Variants in DPYSL2 observed in about 807,000 individuals in gnomAD.
The protein encoded by DPYSL2 is dihydropyrimidinase-related protein 2.
In DPYSL2, 13 loss-of-function variants were observed where a neutral mutation model predicts 69.9. The observed-to-expected ratio is 0.19, with a 90% CI of 0.12 to 0.30. The LOEUF is 0.30. Among genes scored for constraint, DPYSL2 ranks in the 10% least tolerant of loss-of-function variants. DPYSL2 has a pLI of 1.00. For missense variants in DPYSL2, 587 were observed against 918.9 expected (o/e 0.64, Z 4.67); for synonymous variants, 326 against 359.1 (o/e 0.91, Z 1.04).
chr8:26,581,092 T>C (rs1393051592), intron 1 of DPYSL2, among the ~76,000 whole-genome samples: 1 of 152,244 alleles, frequency 6.6e-6, no homozygotes, highest in Non-Finnish European at 1.5e-5. Context: ...CTAGTTAAAA[T>C]GGCATCAATG....
Position 26,517,577 on chromosome 8 carries a change from CA to C in DPYSL2, c.354+2899del, listed in dbSNP as rs1157329819. ...GGCCCAATCCCCCCTTGTCAGTGCC[CA>C]GGGGTCCTTCAGCCTCTTCCCTTCC... On this transcript the variant is annotated intron_variant, in intron 1 of 13. Transcript: ENST00000521913. The surrounding 1 kb of genome is among the most constrained non-coding windows in gnomAD (Gnocchi z 4.2). 1.3e-5 allele frequency among the ~76,000 whole-genome samples: 2 copies of C among 152,176 alleles called. No individual in the cohort carries two copies. Among genetic ancestry groups the C allele is most frequent in the Non-Finnish European group, 2.9e-5 (2 of 68,028 alleles).
intron 3 of DPYSL2, among the ~76,000 whole-genome samples, chr8:26,595,024 AAATCAATC>A (rs4055147): frequency 3.3e-5 from 5 of 150,970 alleles, no homozygotes; most frequent in African/African-American, 4.9e-5. Flanking sequence ...GTCTCTACCA[AAATCAATC>A]AATCAATCAA....
In DPYSL2 at chr8:26,565,778, C is replaced by T. The variant is rs1049435926; in HGVS notation, c.355-16191C>T. 6.6e-5 allele frequency among the ~76,000 whole-genome samples: 10 copies of T among 152,102 alleles called. No individual in the cohort carries two copies. The highest frequency in any genetic ancestry group is 2.2e-4 in the African/African-American group (9 of 41,414). ...TGGGCAGAGAAAGGTACAGGGTCCC[C>T]GCTCCATGCAATTAACTGGAAAGTC... On this transcript the variant is annotated intron_variant, in intron 1 of 13. Coordinates refer to ENST00000521913, the MANE Select transcript of DPYSL2 (RefSeq NM_001197293.3). This position sits in a 1 kb window ranked among gnomAD's most constrained non-coding sequence, Gnocchi z 4.1.
At chr8:26,573,331 T>C (rs1390674281) in intron 1 of DPYSL2, among the ~76,000 whole-genome samples, 2 of 151,774 alleles carry the variant, frequency 1.3e-5, no homozygotes, top group African/African-American at 4.8e-5. Context: ...GAGACCAGCC[T>C]GGCCAATATG....
chr8:26,606,218 A>G (rs1802103914), intron 3 of DPYSL2, among the ~76,000 whole-genome samples: 1 of 152,206 alleles, frequency 6.6e-6, no homozygotes, highest in South Asian at 2.1e-4. Flanking sequence ...TAAAATATTC[A>G]TAGTATTATA....
At position 26,593,908 on chromosome 8, in the gene DPYSL2, GC is replaced by G. The variant is rs1447225831; in HGVS notation, c.628+9927del. The stretch of plus-strand genomic sequence containing the variant: ...GGACTGGAATCTTTCCTTGTGGGGA[GC>G]CTGTGAGACAAAAATCAAAAGGGCC... On this transcript the variant is annotated intron_variant, in intron 3 of 13. Transcript: ENST00000521913. This position sits in a 1 kb window ranked among gnomAD's most constrained non-coding sequence, Gnocchi z 5.7. Among the ~76,000 whole-genome samples the G allele has an allele frequency of 6.6e-6, 1 of 152,144 alleles. No homozygotes were observed. Among genetic ancestry groups the G allele is most frequent in the Non-Finnish European group, 1.5e-5 (1 of 68,020 alleles).
chr8:26,652,199 G>C lies in DPYSL2; in HGVS notation c.1597-58G>C, dbSNP rs555316259. 6.6e-7 allele frequency: 1 copy of C among 1,523,082 alleles called. No homozygotes were observed. The highest frequency in any genetic ancestry group is 1.3e-5 in the South Asian group (1 of 78,608). The allele number at this position is 1,523,082 out of a possible 1,614,324, so 94.3% of individuals were successfully genotyped here. A position where few individuals can be genotyped will look rare whatever the true frequency, so the allele number is the denominator to read the frequency against. On this transcript the variant is annotated intron_variant, in intron 11 of 13. Transcript: ENST00000521913. The surrounding 1 kb of genome is among the most constrained non-coding windows in gnomAD (Gnocchi z 6.3). ...GGGGTTGGGGCAGTGGGTGCTGCCG[G>C]GTGGATTGAGTCCAGCCAGAGTGGC...
In DPYSL2 at chr8:26,583,823, G is replaced by A. The variant is rs778988327; in HGVS notation, c.468G>A (p.Val156=). The change falls in exon 3 of 14, where the codon GTG becomes GTA. Residue 156 remains valine (V), a synonymous_variant. Coordinates refer to ENST00000521913, the MANE Select transcript of DPYSL2 (RefSeq NM_001197293.3). The stretch of plus-strand genomic sequence containing the variant: ...GGCAAATAGGAGAAAATCTGATTGT[G>A]CCAGGAGGAGTGAAGACCATCGAGG... ...LIKQIGENLI[V]PGGVKTIEAH... The A allele has an allele frequency of 2.5e-6, 4 of 1,613,234 alleles. No individual in the cohort carries two copies. Among genetic ancestry groups the A allele is most frequent in the Admixed American group, 1.7e-5 (1 of 59,790 alleles).
rs1801396691 is a variant in DPYSL2 at position 26,577,990 on chromosome 8, TCCTTC to T, written c.355-3978_355-3974del. ...CCCCCTTCCCTCCTGTTTCTCTCTC[TCCTTC>T]TCTCTCTCTCTCTCTCTCTCTCTTT... On this transcript the variant is annotated intron_variant, in intron 1 of 13. Coordinates refer to ENST00000521913, the MANE Select transcript of DPYSL2 (RefSeq NM_001197293.3). 7 of 1,305,648 alleles carry T rather than the reference TCCTTC, an allele frequency of 5.4e-6. No homozygotes were observed. In the East Asian group the frequency reaches 1.0e-4, roughly 19 times the overall value. The allele number at this position is 1,305,648 out of a possible 1,614,324, so 80.9% of individuals were successfully genotyped here.
At chr8:26,567,398 A>G (rs1184544143) in intron 1 of DPYSL2, among the ~76,000 whole-genome samples, 8 of 151,674 alleles carry the variant, frequency 5.3e-5, no homozygotes, top group Non-Finnish European at 8.8e-5. Flanking sequence ...CCATTCATCC[A>G]TCCACCCCAC....
chr8:26,629,844 C>A (rs1317285306), intron 7 of DPYSL2, among the ~76,000 whole-genome samples: 2 of 152,208 alleles, frequency 1.3e-5, no homozygotes, highest in Non-Finnish European at 2.9e-5. Flanking sequence ...ATCCTCCCAC[C>A]TCTTAGCCTC....
intron 11 of DPYSL2, among the ~76,000 whole-genome samples, chr8:26,651,730 A>G (rs1243683745): frequency 6.6e-6 from 1 of 152,256 alleles, no homozygotes; most frequent in Non-Finnish European, 1.5e-5. Flanking sequence ...GAAATTAACT[A>G]GCCCTCAATC....
rs12164220 is a variant in DPYSL2 at position 26,560,457 on chromosome 8, C to T, written c.355-21512C>T. 0.87 allele frequency among the ~76,000 whole-genome samples: 133,101 copies of T among 152,174 alleles called. 58,613 individuals carry two copies. The highest frequency in any genetic ancestry group is 0.99 in the East Asian group (5,114 of 5,170). ...GCAGGTCTGGGAAGGTCTGGACCTCCATTTACTCGATGTTGAAGGCAGACA... is the reference window on the plus strand; with the variant it reads ...GCAGGTCTGGGAAGGTCTGGACCTCTATTTACTCGATGTTGAAGGCAGACA... On this transcript the variant is annotated intron_variant, in intron 1 of 13. Transcript: ENST00000521913. This position sits in a 1 kb window ranked among gnomAD's most constrained non-coding sequence, Gnocchi z 4.4.
intron 1 of DPYSL2, among the ~76,000 whole-genome samples, chr8:26,523,521 T>C (rs1330359504): frequency 6.6e-6 from 1 of 152,236 alleles, no homozygotes; most frequent in African/African-American, 2.4e-5. Context: ...TTTGTGTCTC[T>C]GTGAATTTGA....
In DPYSL2 at chr8:26,517,111, C is replaced by T. The variant is rs1808302745; in HGVS notation, c.354+2432C>T. Reference sequence around the variant, plus strand: ...GGGTGGATCCTGGGACCCTGACTCACACCATCCCTCCTCTCTTGCAGCTTT... The same window carrying T: ...GGGTGGATCCTGGGACCCTGACTCATACCATCCCTCCTCTCTTGCAGCTTT... On this transcript the variant is annotated intron_variant, in intron 1 of 13. Coordinates refer to ENST00000521913, the MANE Select transcript of DPYSL2 (RefSeq NM_001197293.3). This position sits in a 1 kb window ranked among gnomAD's most constrained non-coding sequence, Gnocchi z 4.2. Among the ~76,000 whole-genome samples, 1 of 152,146 alleles carries T rather than the reference C, an allele frequency of 6.6e-6. No homozygotes were observed. Among genetic ancestry groups the T allele is most frequent in the African/African-American group, 2.4e-5 (1 of 41,424 alleles).
intron 1 of DPYSL2, among the ~76,000 whole-genome samples, chr8:26,552,951 T>C (rs1800893299): frequency 6.6e-6 from 1 of 152,132 alleles, no homozygotes; most frequent in Non-Finnish European, 1.5e-5. Context: ...AAGTTACTAA[T>C]ATCAGAAATG....
intron 3 of DPYSL2, among the ~76,000 whole-genome samples, chr8:26,590,985 G>A (rs1357768215): frequency 6.6e-6 from 1 of 152,206 alleles, no homozygotes; most frequent in Admixed American, 6.5e-5. Context: ...ACTCTGTTTC[G>A]TGGACATTGT....
chr8:26,552,553 C>A (rs942127715), intron 1 of DPYSL2, among the ~76,000 whole-genome samples: 16 of 152,150 alleles, frequency 1.1e-4, no homozygotes, highest in Non-Finnish European at 2.1e-4. Flanking sequence ...AAAGTTATTT[C>A]CTACAGGTCT....
At chr8:26,519,713 A>C (rs1182177802) in intron 1 of DPYSL2, among the ~76,000 whole-genome samples, 1 of 152,124 alleles carries the variant, frequency 6.6e-6, no homozygotes, top group Non-Finnish European at 1.5e-5. Flanking sequence ...TTCTTCCAAT[A>C]GTCAATTACG....
Sources: allele counts gnomAD v4.1 joint callset (sites outside exome capture counted in the v4.1 genomes callset), GRCh38; gene constraint gnomAD v4.1.1; non-coding constraint Gnocchi (gnomAD v3.1); transcripts MANE v1.5; gene names NCBI Gene and HGNC (gene_info 2026-07-23, HGNC 2026-07-21).